Variants in PPP1R7 observed in about 807,000 individuals in gnomAD.
PPP1R7 encodes protein phosphatase 1 regulatory subunit 7.
In PPP1R7, 18 loss-of-function variants were observed where a neutral mutation model predicts 45.2. That is an observed-to-expected ratio of 0.40 (90% confidence interval 0.28 to 0.59). PPP1R7 has a LOEUF of 0.59. Ranked by LOEUF, PPP1R7 falls within the 20% of genes least tolerant of loss-of-function variation. The pLI is 0.46. For synonymous variants in PPP1R7, 181 were observed against 183.4 expected, an observed-to-expected ratio of 0.99 and a Z score of 0.11; for missense variants, 314 against 455.8, an observed-to-expected ratio of 0.69 and a Z score of 2.83.
upstream of PPP1R7, chr2:241,149,620 C>T: frequency 1.3e-6 from 2 of 1,533,820 alleles, no homozygotes; most frequent in Non-Finnish European, 1.7e-6. Context: ...AACACCCCTA[C>T]GGCGCTTCGG....
chr2:241,152,438 A>G (rs1390221488), intron 1 of PPP1R7, among the ~76,000 whole-genome samples: 2 of 152,240 alleles, frequency 1.3e-5, no homozygotes, highest in African/African-American at 4.8e-5. Flanking sequence ...GTTAGGAGGC[A>G]GGGCAGGAGC....
upstream of PPP1R7, chr2:241,150,085 C>T: frequency 1.6e-6 from 2 of 1,271,370 alleles, no homozygotes; most frequent in Non-Finnish European, 2.0e-6. Flanking sequence ...CACCTTGCAG[C>T]CACGGAAAGA....
intron 8 of PPP1R7, among the ~76,000 whole-genome samples, chr2:241,168,638 T>G (rs2067762375): frequency 1.3e-5 from 2 of 151,630 alleles, no homozygotes; most frequent in South Asian, 2.1e-4. Flanking sequence ...ATGGGGTGGT[T>G]TGAAGGCACC....
chr2:241,160,493 G>A lies in PPP1R7; in HGVS notation c.596G>A (p.Arg199Gln), dbSNP rs779892249. The change falls in exon 6 of 10, where the codon CGG becomes CAG. Residue 199 changes from arginine (R) to glutamine (Q), a missense_variant and splice_region_variant. By Grantham distance (43) the Arg-to-Gln change is conservative (BLOSUM62 1). Coordinates refer to ENST00000234038, the MANE Select transcript of PPP1R7 (RefSeq NM_002712.3). ...QMLELGSNRI[R>Q]AIENIDTLTN... Reference sequence around the variant, plus strand: ...CTAGAGCTGGGATCTAACCGCATCCGGGTAGGTGCAGACAGCCCTGACTAG... The same window carrying A: ...CTAGAGCTGGGATCTAACCGCATCCAGGTAGGTGCAGACAGCCCTGACTAG... The A allele has an allele frequency of 5.6e-6, 9 of 1,600,616 alleles. No individual in the cohort carries two copies. The highest frequency in any genetic ancestry group is 1.8e-5 in the Admixed American group (1 of 57,008).
At chr2:241,173,834 C>A (rs543069946) in intron 9 of PPP1R7, among the ~76,000 whole-genome samples, 1 of 151,924 alleles carries the variant, frequency 6.6e-6, no homozygotes, top group African/African-American at 2.4e-5. Context: ...TCTGTAGTAG[C>A]CTATCTGCTG....
intron 2 of PPP1R7, among the ~76,000 whole-genome samples, chr2:241,157,312 A>G (rs2067482512): frequency 6.6e-6 from 1 of 152,218 alleles, no homozygotes; most frequent in Non-Finnish European, 1.5e-5. Flanking sequence ...CCAAAGCAAT[A>G]AAAGGCCCAT....
chr2:241,170,535 G>T (rs962394316), intron 9 of PPP1R7, among the ~76,000 whole-genome samples: 11 of 152,218 alleles, frequency 7.2e-5, no homozygotes, highest in Admixed American at 7.2e-4. Flanking sequence ...CCGCTAGCAC[G>T]TGGCCCTGCA....
chr2:241,153,068 G>A (rs4675993), intron 1 of PPP1R7, among the ~76,000 whole-genome samples: 74,489 of 152,002 alleles, frequency 0.49, 18,478 homozygotes, highest in East Asian at 0.68. Context: ...GATAAATAGT[G>A]GAGCATGGAT....
At chr2:241,179,291 C>CATGTT (rs1375497455) in intron 9 of PPP1R7, among the ~76,000 whole-genome samples, 3 of 152,172 alleles carry the variant, frequency 2.0e-5, no homozygotes, top group African/African-American at 7.2e-5. Context: ...AAAGGGAAAG[C>CATGTT]ATGTTCCCAG....
chr2:241,173,269 C>CAAAAAAAA lies in PPP1R7; in HGVS notation c.906+3419_906+3426dup, dbSNP rs540011262. On this transcript the variant is annotated intron_variant, in intron 9 of 9. Coordinates refer to ENST00000234038, the MANE Select transcript of PPP1R7 (RefSeq NM_002712.3). ...CTTGGGCAACAGAGCAAGACTTTCT[C>CAAAAAAAA]AAAAAAAAAAAAAAAAAAAAAAAAG... 3.9e-3 allele frequency among the ~76,000 whole-genome samples: 357 copies of CAAAAAAAA among 90,626 alleles called. 15 individuals are homozygous for CAAAAAAAA. Among genetic ancestry groups the CAAAAAAAA allele is most frequent in the African/African-American group, 0.019 (327 of 16,944 alleles). 59.5% of individuals were successfully genotyped at this position (90,626 alleles called of 152,430 possible). A position where few individuals can be genotyped will look rare whatever the true frequency, so the allele number is the denominator to read the frequency against.
At chr2:241,152,335 G>T (rs539736617) in intron 1 of PPP1R7, among the ~76,000 whole-genome samples, 2 of 152,308 alleles carry the variant, frequency 1.3e-5, no homozygotes, top group East Asian at 3.9e-4. Context: ...AATACTTTTG[G>T]ACTCAAAAGA....
chr2:241,160,671 G>A (rs1372476149), intron 6 of PPP1R7, among the ~76,000 whole-genome samples, 177 bp downstream of exon 6: 1 of 152,208 alleles, frequency 6.6e-6, no homozygotes, highest in Non-Finnish European at 1.5e-5. Context: ...CTGAAAGTCA[G>A]TATCAGTAAG....
At chr2:241,172,719 T>C (rs1004875910) in intron 9 of PPP1R7, among the ~76,000 whole-genome samples, 3 of 152,192 alleles carry the variant, frequency 2.0e-5, no homozygotes. Context: ...TATTCTTTCG[T>C]GTGGATCTGA....
chr2:241,163,415 T>C lies in PPP1R7; in HGVS notation c.714+14T>C, dbSNP rs749709500. 1.5e-5 allele frequency: 23 copies of C among 1,571,704 alleles called. 1 individual carries two copies. Among genetic ancestry groups the C allele is most frequent in the Admixed American group, 1.2e-4 (7 of 59,748 alleles). On this transcript the variant is annotated intron_variant, in intron 7 of 9. Transcript: ENST00000234038. ...CTCAGTATGCAGGTACGGAGCTTCC[T>C]GAGCCGCCCTTCCCTGCGAGCCCTG... is the stretch of plus-strand genomic sequence containing the variant.
chr2:241,150,491 C>A lies in PPP1R7; in HGVS notation c.-5C>A, dbSNP rs773186375. On this transcript the variant is annotated 5_prime_UTR_variant, in exon 1 of 10. Coordinates refer to ENST00000234038, the MANE Select transcript of PPP1R7 (RefSeq NM_002712.3). ...CAGATTCCGGAAAGGGGAAGAGCAG[C>A]CAACATGGCGGCGGAACGCGGCGCG... The A allele has an allele frequency of 1.3e-6, 2 of 1,597,190 alleles. No homozygotes were observed. The highest frequency in any genetic ancestry group is 1.7e-6 in the Non-Finnish European group (2 of 1,173,024).
intron 9 of PPP1R7, among the ~76,000 whole-genome samples, chr2:241,181,089 T>A (rs1401447386): frequency 6.6e-6 from 1 of 152,020 alleles, no homozygotes; most frequent in Non-Finnish European, 1.5e-5. Flanking sequence ...TCCCAGCTAC[T>A]TGGGAGGCTG....
rs114129314 is a variant in PPP1R7, at chr2:241,156,788, G to A, written c.182-1019G>A. On this transcript the variant is annotated intron_variant, in intron 2 of 9. Coordinates refer to ENST00000234038, the MANE Select transcript of PPP1R7 (RefSeq NM_002712.3). ...AACTAAGGAAAGAAATGTTAAGACAGTTGAGGAAATACGAACACTGACAAT... is the reference window on the plus strand; with the variant it reads ...AACTAAGGAAAGAAATGTTAAGACAATTGAGGAAATACGAACACTGACAAT... Among the ~76,000 whole-genome samples, 464 of 152,340 alleles carry A rather than the reference G, an allele frequency of 3.0e-3. 2 individuals carry two copies. Among genetic ancestry groups the A allele is most frequent in the African/African-American group, 0.01 (431 of 41,580 alleles).
chr2:241,158,360 C>G, intron 3 of PPP1R7, 124 bp from the exon 4 acceptor site: 3 of 821,718 alleles, frequency 3.7e-6, no homozygotes, highest in Admixed American at 3.7e-5. Context: ...TGACATCTGT[C>G]TGCTGCAGAC....
chr2:241,154,533 C>CA lies in PPP1R7; in HGVS notation c.181+937dup, dbSNP rs1294243870. 9.9e-5 allele frequency among the ~76,000 whole-genome samples: 15 copies of CA among 151,370 alleles called. No individual in the cohort carries two copies. In the South Asian group the frequency reaches 1.0e-3, roughly 11 times the overall value. On this transcript the variant is annotated intron_variant, in intron 2 of 9. Transcript: ENST00000234038. ...TGAAACCCTGTCTCTACTAAAAATA[C>CA]AAAAAAAAGAAAAAAAGAAAAATTA...
Sources: gnomAD v4.1 joint callset for allele counts (sites outside exome capture counted in the v4.1 genomes callset) on GRCh38, gnomAD v4.1.1 for gene constraint, MANE v1.5 for transcripts, NCBI Gene and HGNC (gene_info 2026-07-23, HGNC 2026-07-21) for gene names.